ADAMTS2: variants seen among roughly 807,000 people sequenced by gnomAD.
ADAMTS2 encodes the protein ADAM metallopeptidase with thrombospondin type 1 motif 2.
Under a neutral mutation model 123.0 loss-of-function variants are expected in ADAMTS2, and 50 were observed. The ratio of observed to expected loss-of-function variants is 0.41; its 90% CI spans 0.32 to 0.51. The LOEUF (loss-of-function observed/expected upper bound fraction) is 0.51. Ranked by LOEUF, ADAMTS2 falls within the 20% of genes least tolerant of loss-of-function variation. The pLI is 0.35. For synonymous variants in ADAMTS2, 678 were observed against 695.4 expected (o/e 0.98, Z 0.39); for missense variants, 1,494 against 1,705.2 (o/e 0.88, Z 2.18).
At chr5:179,248,252 AC>A (rs1256188276) in intron 3 of ADAMTS2, among the ~76,000 whole-genome samples, 1 of 152,160 alleles carries the variant, frequency 6.6e-6, no homozygotes, top group African/African-American at 2.4e-5. Flanking sequence ...ATAAATGAAA[AC>A]ATGAATCAAA....
In ADAMTS2 at chr5:179,128,140, G is replaced by A; in HGVS notation, c.2458-22C>T. On this transcript the variant is annotated intron_variant, in intron 16 of 21. Coordinates refer to ENST00000251582, the MANE Select transcript of ADAMTS2 (RefSeq NM_014244.5). The surrounding 1 kb of genome is among the most constrained non-coding windows in gnomAD (Gnocchi z 4.9). ...TGACCTGTGCCAGCCCAAGAGCCTT[G>A]ATGTGCCTGACCTGCCCTCCATGCT... is the stretch of plus-strand genomic sequence containing the variant. The A allele has an allele frequency of 6.2e-7, 1 of 1,611,710 alleles. No homozygotes were observed. Among genetic ancestry groups the A allele is most frequent in the Non-Finnish European group, 8.5e-7 (1 of 1,179,898 alleles).
intron 21 of ADAMTS2, among the ~76,000 whole-genome samples, chr5:179,116,260 A>ACCCCCCCCCCCCCCCCCCCCCCCCCC (rs146306326): frequency 1.1e-4 from 10 of 93,778 alleles, no homozygotes; most frequent in Admixed American, 2.3e-4. Flanking sequence ...TGACCACGGC[A>ACCCCCCCCCCCCCCCCCCCCCCCCCC]CCCCCCCCCC....
intron 18 of ADAMTS2, 39 bp from the exon 19 acceptor site, chr5:179,125,219 C>A: frequency 6.3e-7 from 1 of 1,597,052 alleles, no homozygotes; most frequent in African/African-American, 1.3e-5. Context: ...GCTTCCGCAG[C>A]ACCTGGAGAA....
chr5:179,326,567 G>T (rs68093766), intron 2 of ADAMTS2, among the ~76,000 whole-genome samples: 31,544 of 149,576 alleles, frequency 0.21, 3,716 homozygotes, highest in East Asian at 0.48. Flanking sequence ...GGCTCCGTGT[G>T]TCCAAGCGCT....
chr5:179,244,655 G>A (rs756261396), intron 3 of ADAMTS2, among the ~76,000 whole-genome samples: 2 of 152,054 alleles, frequency 1.3e-5, no homozygotes, highest in Non-Finnish European at 2.9e-5. Flanking sequence ...GGCTTAAAAA[G>A]CAATAATATA....
At chr5:179,122,961 T>A in intron 19 of ADAMTS2, 188 bp from the exon 20 acceptor site, 2 of 774,644 alleles carry the variant, frequency 2.6e-6, no homozygotes, top group Non-Finnish European at 4.2e-6. Context: ...CCTGGGGCTC[T>A]AAAGAAGGGA....
intron 15 of ADAMTS2, among the ~76,000 whole-genome samples, chr5:179,131,980 C>T (rs1762970599): frequency 6.6e-6 from 1 of 152,196 alleles, no homozygotes; most frequent in Admixed American, 6.5e-5. Flanking sequence ...ACATGTTTTG[C>T]ATATATGTCC....
chr5:179,257,037 G>A (rs1409813888), intron 3 of ADAMTS2, among the ~76,000 whole-genome samples: 1 of 152,204 alleles, frequency 6.6e-6, no homozygotes, highest in Non-Finnish European at 1.5e-5. Flanking sequence ...CACAGCCCAT[G>A]GGGAGCACCA....
chr5:179,265,111 G>A (rs935374361), intron 3 of ADAMTS2, among the ~76,000 whole-genome samples: 7 of 151,632 alleles, frequency 4.6e-5, no homozygotes, highest in African/African-American at 1.7e-4. Flanking sequence ...AGCATCTGTG[G>A]GAGCAGCCCT....
chr5:179,236,864 C>G (rs1456058409), intron 3 of ADAMTS2, among the ~76,000 whole-genome samples: 1 of 152,152 alleles, frequency 6.6e-6, no homozygotes, highest in Non-Finnish European at 1.5e-5. Flanking sequence ...TATGTTGAAA[C>G]CTAATCCCCA....
chr5:179,319,410 A>C (rs530376542), intron 2 of ADAMTS2, among the ~76,000 whole-genome samples: 2 of 152,144 alleles, frequency 1.3e-5, no homozygotes, highest in South Asian at 4.1e-4. Flanking sequence ...GCACACATGC[A>C]TGCATCAAGC....
chr5:179,147,662 A>G (rs1240633485), intron 10 of ADAMTS2, among the ~76,000 whole-genome samples: 1 of 152,172 alleles, frequency 6.6e-6, no homozygotes, highest in Non-Finnish European at 1.5e-5. Context: ...GGAAGCTACT[A>G]TTACACCTGG....
intron 2 of ADAMTS2, among the ~76,000 whole-genome samples, chr5:179,342,936 C>T (rs7713020): frequency 0.12 from 18,006 of 152,248 alleles, 1,302 homozygotes; most frequent in East Asian, 0.31. Flanking sequence ...ACTAGAGAGG[C>T]GCAGGCAGTC....
Position 179,234,773 on chromosome 5 carries a change from C to G in ADAMTS2, c.689-27058G>C, listed in dbSNP as rs903711935. 6.6e-6 allele frequency among the ~76,000 whole-genome samples: 1 copy of G among 152,192 alleles called. No homozygotes were observed. The highest frequency in any genetic ancestry group is 1.5e-5 in the Non-Finnish European group (1 of 68,020). On this transcript the variant is annotated intron_variant, in intron 3 of 21. Coordinates refer to ENST00000251582, the MANE Select transcript of ADAMTS2 (RefSeq NM_014244.5). The surrounding 1 kb of genome is among the most constrained non-coding windows in gnomAD (Gnocchi z 4.7). Reference sequence around the variant, plus strand: ...CCCTCCCTCTACCTGGATGCAGCAGCCTCCTCCCAGACCTGGCCCCATCCG... The same window carrying G: ...CCCTCCCTCTACCTGGATGCAGCAGGCTCCTCCCAGACCTGGCCCCATCCG...
Position 179,307,656 on chromosome 5 carries a change from T to C in ADAMTS2, c.535-34592A>G, listed in dbSNP as rs1199713789. On this transcript the variant is annotated intron_variant, in intron 2 of 21. Coordinates refer to ENST00000251582, the MANE Select transcript of ADAMTS2 (RefSeq NM_014244.5). The surrounding 1 kb of genome is among the most constrained non-coding windows in gnomAD (Gnocchi z 5.6). ...ATGACTGCCCCGGTCCCCGCTGATTTCTCCTTCACTCAAGTGCCAGCCGTG... is the reference window on the plus strand; with the variant it reads ...ATGACTGCCCCGGTCCCCGCTGATTCCTCCTTCACTCAAGTGCCAGCCGTG... 6.6e-6 allele frequency among the ~76,000 whole-genome samples: 1 copy of C among 152,010 alleles called. No individual in the cohort carries two copies. The highest frequency in any genetic ancestry group is 1.5e-5 in the Non-Finnish European group (1 of 67,994).
intron 3 of ADAMTS2, among the ~76,000 whole-genome samples, chr5:179,237,871 G>A (rs999488188): frequency 2.0e-5 from 3 of 152,192 alleles, no homozygotes; most frequent in African/African-American, 7.2e-5. Flanking sequence ...GAGAAAGGAA[G>A]AGCAAACCCA....
intron 2 of ADAMTS2, among the ~76,000 whole-genome samples, chr5:179,341,100 C>A (rs564310534): frequency 1.8e-3 from 269 of 152,328 alleles, no homozygotes; most frequent in Non-Finnish European, 3.4e-3. Context: ...GCCTCCCCGA[C>A]CAGGGCTCTG....
intron 4 of ADAMTS2, among the ~76,000 whole-genome samples, chr5:179,200,985 C>A (rs1764550262): frequency 6.6e-6 from 1 of 152,198 alleles, no homozygotes; most frequent in South Asian, 2.1e-4. Context: ...AAAATAATCT[C>A]TGTTTACAAA....
intron 4 of ADAMTS2, among the ~76,000 whole-genome samples, chr5:179,186,059 C>G (rs981236240): frequency 1.9e-4 from 29 of 152,118 alleles, no homozygotes; most frequent in African/African-American, 7.0e-4. Flanking sequence ...GCACATAGTT[C>G]CCCAGGCATG....
Sources: gnomAD v4.1 joint callset for allele counts (sites outside exome capture counted in the v4.1 genomes callset) on GRCh38, gnomAD v4.1.1 for gene constraint, Gnocchi (gnomAD v3.1) non-coding constraint, MANE v1.5 for transcripts, NCBI Gene and HGNC (gene_info 2026-07-23, HGNC 2026-07-21) for gene names.